The following SMG7 variants were observed in gnomAD, a reference collection of about 807,000 sequenced individuals.
SMG7 encodes the protein nonsense-mediated mRNA decay factor SMG7.
Under a neutral mutation model 148.2 loss-of-function variants are expected in SMG7, and 34 were observed. That is an observed-to-expected ratio of 0.23 (90% confidence interval 0.17 to 0.31). The LOEUF is 0.31. Among genes scored for constraint, SMG7 ranks in the 10% least tolerant of loss-of-function variants. SMG7 has a pLI of 1.00. For missense variants in SMG7, 1,114 were observed against 1,408.4 expected (o/e 0.79, Z 3.35); for synonymous variants, 492 against 515.1 (o/e 0.96, Z 0.61).
intron 12 of SMG7, 49 bp from the exon 13 acceptor site, chr1:183,540,935 A>G: frequency 1.3e-6 from 2 of 1,597,188 alleles, no homozygotes; most frequent in Non-Finnish European, 1.7e-6. Flanking sequence ...TGCCTGGAAA[A>G]TATCTTTAGC....
intron 1 of SMG7, among the ~76,000 whole-genome samples, chr1:183,490,364 A>G (rs1243134335): frequency 6.6e-6 from 1 of 152,226 alleles, no homozygotes; most frequent in Non-Finnish European, 1.5e-5. Flanking sequence ...TTTGGGCTTC[A>G]ACAGACAATA....
intron 18 of SMG7, 25 bp downstream of exon 18, chr1:183,547,277 T>C: frequency 6.5e-7 from 1 of 1,543,648 alleles, no homozygotes; most frequent in Non-Finnish European, 8.7e-7. Context: ...TAATTCTGCT[T>C]CTTGGTCTAA....
chr1:183,518,848 T>C (rs1664138702), intron 4 of SMG7, among the ~76,000 whole-genome samples: 1 of 152,246 alleles, frequency 6.6e-6, no homozygotes, highest in African/African-American at 2.4e-5. Flanking sequence ...TTGAGAATCT[T>C]GCACTGAAAG....
At chr1:183,484,009 A>G (rs1654809885) in intron 1 of SMG7, among the ~76,000 whole-genome samples, 1 of 152,162 alleles carries the variant, frequency 6.6e-6, no homozygotes, top group Non-Finnish European at 1.5e-5. Context: ...GGTTGTCCTG[A>G]GTTCAGATCC....
At chr1:183,490,417 G>T (rs1321798124) in intron 1 of SMG7, among the ~76,000 whole-genome samples, 1 of 152,144 alleles carries the variant, frequency 6.6e-6, no homozygotes, top group Non-Finnish European at 1.5e-5. Context: ...ATTCTTACCT[G>T]TGGACATTTT....
intron 1 of SMG7, among the ~76,000 whole-genome samples, chr1:183,509,307 T>G (rs1244612999): frequency 6.6e-6 from 1 of 152,250 alleles, no homozygotes; most frequent in Admixed American, 6.5e-5. Context: ...TCTTTTAATT[T>G]AGGCTAACTG....
At chr1:183,487,456 T>C (rs185614657) in intron 1 of SMG7, among the ~76,000 whole-genome samples, 31 of 152,320 alleles carry the variant, frequency 2.0e-4, no homozygotes, top group African/African-American at 7.2e-4. Flanking sequence ...AAATCCCTGT[T>C]GTAGATAAAA....
intron 4 of SMG7, among the ~76,000 whole-genome samples, chr1:183,518,054 C>T (rs983173506): frequency 3.9e-5 from 6 of 152,002 alleles, no homozygotes; most frequent in Admixed American, 3.9e-4. Flanking sequence ...CTGAAGTGAT[C>T]CTCTCACCTC....
chr1:183,526,575 T>G, intron 4 of SMG7, 21 bp from the exon 5 acceptor site: 2 of 1,560,790 alleles, frequency 1.3e-6, no homozygotes, highest in Non-Finnish European at 8.8e-7. Context: ...TACTACTAAA[T>G]TTTGTTTGTT....
intron 11 of SMG7, among the ~76,000 whole-genome samples, chr1:183,537,587 A>G (rs1187280953): frequency 6.6e-6 from 1 of 152,198 alleles, no homozygotes; most frequent in Non-Finnish European, 1.5e-5. Flanking sequence ...AATCTCCCAT[A>G]CAGAGATACC....
chr1:183,473,509 C>G (rs1343152633), intron 1 of SMG7, among the ~76,000 whole-genome samples: 1 of 151,982 alleles, frequency 6.6e-6, no homozygotes, highest in African/African-American at 2.4e-5. Context: ...AACTTAGTAC[C>G]TGATGGCGAG....
intron 15 of SMG7, 92 bp from the exon 16 acceptor site, chr1:183,544,838 C>A: frequency 7.9e-7 from 1 of 1,273,762 alleles, no homozygotes; most frequent in Non-Finnish European, 1.1e-6. Flanking sequence ...TGTTAGAAGA[C>A]TCCCTCTACC....
chr1:183,498,040 C>T (rs996016618), intron 1 of SMG7, among the ~76,000 whole-genome samples: 7 of 152,068 alleles, frequency 4.6e-5, no homozygotes, highest in Non-Finnish European at 8.8e-5. Context: ...TTTCAGAGAG[C>T]ACCTGGAAGT....
chr1:183,542,935 G>A (rs1006865002), intron 14 of SMG7, among the ~76,000 whole-genome samples: 9 of 69,266 alleles, frequency 1.3e-4, no homozygotes, highest in South Asian at 1.3e-3. Context: ...ATATGTGTGT[G>A]TGTGTGTGTG....
chr1:183,524,142 G>A (rs1395484659), intron 4 of SMG7, among the ~76,000 whole-genome samples: 3 of 151,880 alleles, frequency 2.0e-5, no homozygotes, highest in African/African-American at 7.3e-5. Context: ...GGAGTGCAGT[G>A]TATATCATAG....
Position 183,553,260 on chromosome 1 carries a change from C to T in SMG7, c.*1329C>T. On this transcript the variant is annotated 3_prime_UTR_variant, in exon 23 of 23. Transcript: ENST00000688051. ...GACTGAAAATGTTCTTGTGTAGAAA[C>T]AGAAGGACAGCATTTCTGTTAGTCA... 7.0e-7 allele frequency: 1 copy of T among 1,426,384 alleles called. No individual in the cohort carries two copies. The highest frequency in any genetic ancestry group is 9.4e-7 in the Non-Finnish European group (1 of 1,064,440). 88.4% of individuals were successfully genotyped at this position (1,426,384 alleles called of 1,614,324 possible).
chr1:183,552,900 C>T lies in SMG7; in HGVS notation c.*969C>T, dbSNP rs1803423. ...ACTTCCCACCCTCCTGCCCCATCTC[C>T]ATCCCTTCTTTTACCCAATGCTGTA... On this transcript the variant is annotated 3_prime_UTR_variant, in exon 23 of 23. Transcript: ENST00000688051. 7 of 1,479,992 alleles carry T rather than the reference C, an allele frequency of 4.7e-6. No individual in the cohort carries two copies. In the South Asian group the frequency reaches 6.6e-5, roughly 14 times the overall value. 91.7% of individuals were successfully genotyped at this position (1,479,992 alleles called of 1,614,324 possible).
intron 1 of SMG7, among the ~76,000 whole-genome samples, chr1:183,492,247 C>A (rs1431971654): frequency 2.6e-5 from 4 of 152,142 alleles, no homozygotes; most frequent in Non-Finnish European, 5.9e-5. Context: ...TTAAAATTTT[C>A]ATCCAGTTGT....
At chr1:183,549,043 C>T (rs1319110988) in intron 18 of SMG7, 165 bp from the exon 19 acceptor site, 1 of 598,394 alleles carries the variant, frequency 1.7e-6, no homozygotes, top group Non-Finnish European at 3.0e-6. Flanking sequence ...GGCACTTAGG[C>T]GGTGTCTTGG....
Sources: gnomAD v4.1 joint callset for allele counts (sites outside exome capture counted in the v4.1 genomes callset) on GRCh38, gnomAD v4.1.1 for gene constraint, MANE v1.5 for transcripts, NCBI Gene and HGNC (gene_info 2026-07-23, HGNC 2026-07-21) for gene names.